The following CARD8 variants were observed in gnomAD, a reference collection of about 807,000 sequenced individuals.
CARD8 encodes the protein caspase recruitment domain-containing protein 8.
A neutral mutation model predicts 53.2 loss-of-function variants in CARD8; 38 were observed. That is an observed-to-expected ratio of 0.71 (90% CI 0.55 to 0.94). The LOEUF is 0.94. Among genes scored for constraint, CARD8 ranks in the 40% least tolerant of loss-of-function variants. CARD8 has a pLI of 0.00. For missense variants in CARD8, 561 were observed against 655.5 expected, an observed-to-expected ratio of 0.86 and a Z score of 1.57; for synonymous variants, 245 against 244.9, an observed-to-expected ratio of 1.00 and a Z score of 0.00.
chr19:48,239,472 CT>C (rs36029407), intron 4 of CARD8, among the ~76,000 whole-genome samples: 54,953 of 102,596 alleles, frequency 0.54, 11,844 homozygotes, highest in East Asian at 0.63. Context: ...TCATTTCAGA[CT>C]TTTTTTTTTT....
At chr19:48,253,596 A>G (rs1019927009) in intron 1 of CARD8, among the ~76,000 whole-genome samples, 1 of 152,216 alleles carries the variant, frequency 6.6e-6, no homozygotes, top group African/African-American at 2.4e-5. Context: ...TAAGATTCCA[A>G]TAAAAGAATG....
At chr19:48,221,592 T>C (rs1334451822) in intron 11 of CARD8, 138 bp downstream of exon 11, 2 of 526,048 alleles carry the variant, frequency 3.8e-6, no homozygotes, top group Non-Finnish European at 6.5e-6. Context: ...ATACTATTTT[T>C]CTATAATTTC....
chr19:48,238,154 G>T, intron 5 of CARD8: 1 of 622,682 alleles, frequency 1.6e-6, no homozygotes, highest in Non-Finnish European at 2.5e-6. Flanking sequence ...GCCTCCCAGT[G>T]TGCTGAGATT....
intron 1 of CARD8, among the ~76,000 whole-genome samples, chr19:48,254,768 G>A (rs1391940184): frequency 1.3e-5 from 2 of 152,116 alleles, no homozygotes; most frequent in Non-Finnish European, 2.9e-5. Context: ...GAGCCAGGAA[G>A]GCCATGAAGA....
At chr19:48,218,498 GCATGTA>G (rs2039824108) in intron 12 of CARD8, among the ~76,000 whole-genome samples, 1 of 151,872 alleles carries the variant, frequency 6.6e-6, no homozygotes, top group Non-Finnish European at 1.5e-5. Flanking sequence ...AGGACTACAG[GCATGTA>G]CCACCACACC....
At chr19:48,253,798 A>G (rs2047237206) in intron 1 of CARD8, among the ~76,000 whole-genome samples, 1 of 152,238 alleles carries the variant, frequency 6.6e-6, no homozygotes, top group Non-Finnish European at 1.5e-5. Flanking sequence ...GGGTAGAATG[A>G]TAAACAGATA....
chr19:48,251,354 T>C (rs1166262484), intron 1 of CARD8, among the ~76,000 whole-genome samples: 6 of 152,212 alleles, frequency 3.9e-5, no homozygotes, highest in African/African-American at 1.4e-4. Context: ...ACCAACTTTT[T>C]CTCCTGGTTT....
intron 3 of CARD8, among the ~76,000 whole-genome samples, chr19:48,247,495 T>C (rs1197637550): frequency 6.6e-6 from 1 of 152,106 alleles, no homozygotes. Context: ...AGATCTATTG[T>C]TAATGAAGAA....
At chr19:48,247,848 T>C (rs2046373367) in intron 3 of CARD8, among the ~76,000 whole-genome samples, 1 of 151,776 alleles carries the variant, frequency 6.6e-6, no homozygotes, top group African/African-American at 2.4e-5. Context: ...AAATTTTAAA[T>C]TTTAACATTA....
chr19:48,212,115 C>A, intron 13 of CARD8, 140 bp from the exon 14 acceptor site: 1 of 737,200 alleles, frequency 1.4e-6, no homozygotes. Flanking sequence ...TACAAAATCA[C>A]ACACATTCAC....
At chr19:48,227,076 A>G (rs188424080) in intron 10 of CARD8, among the ~76,000 whole-genome samples, 38 of 147,598 alleles carry the variant, frequency 2.6e-4, no homozygotes, top group African/African-American at 9.0e-4. Flanking sequence ...TGACACAGCA[A>G]GACTCCGTCT....
chr19:48,234,602 T>C (rs897203868), intron 5 of CARD8, 59 bp from the exon 6 acceptor site: 34 of 1,475,688 alleles, frequency 2.3e-5, no homozygotes, highest in South Asian at 3.6e-5. Flanking sequence ...GATGATAGCA[T>C]AGGCTGTGCA....
chr19:48,239,893 T>C (rs1031861101), intron 4 of CARD8, among the ~76,000 whole-genome samples: 2 of 152,118 alleles, frequency 1.3e-5, no homozygotes, highest in Admixed American at 1.3e-4. Flanking sequence ...CAGTGTCTGC[T>C]CCTGATTCAT....
intron 12 of CARD8, among the ~76,000 whole-genome samples, chr19:48,215,777 A>G (rs868554745): frequency 1.3e-5 from 2 of 152,196 alleles, no homozygotes; most frequent in African/African-American, 4.8e-5. Flanking sequence ...GATGGTGCAG[A>G]AATTTGGGTA....
At position 48,230,226 on chromosome 19, in the gene CARD8, T is replaced by C. The variant is rs75083323; in HGVS notation, c.1035+212A>G. Among the ~76,000 whole-genome samples, 963 of 152,332 alleles carry C rather than the reference T, an allele frequency of 6.3e-3. 13 individuals carry two copies. Among genetic ancestry groups the C allele is most frequent in the African/African-American group, 0.022 (922 of 41,584 alleles). ...AGAGCCAGAAAAGGGAATTTCCTTT[T>C]TCAGTAGCACTGAATCACTACTGAA... On this transcript the variant is annotated intron_variant, in intron 10 of 13. Coordinates refer to ENST00000651546, the MANE Select transcript of CARD8 (RefSeq NM_001184900.3).
intron 6 of CARD8, chr19:48,233,504 G>T: frequency 2.4e-6 from 1 of 418,228 alleles, no homozygotes; most frequent in Non-Finnish European, 4.8e-6. Context: ...GACATCCTAA[G>T]ACTGGTTGCT....
At position 48,230,506 on chromosome 19, in the gene CARD8, A is replaced by C. The variant is rs2042650942; in HGVS notation, c.967T>G (p.Tyr323Asp). The change falls in exon 10 of 14, where the codon TAT (tyrosine) becomes GAT (aspartate). Residue 323 changes from tyrosine (Y) to aspartate (D), a missense_variant. By Grantham distance (160) the Tyr-to-Asp change is radical (BLOSUM62 -3). Transcript: ENST00000651546. ...IPITSNTLIYYHPHPEDIKFH... is the reference protein window; with the variant it reads ...IPITSNTLIYDHPHPEDIKFH... The stretch of plus-strand genomic sequence containing the variant: ...TTAATATCTTCGGGGTGGGGGTGAT[A>C]ATAGATCAATGTGTTGGAAGTGATG... 6.2e-7 allele frequency: 1 copy of C among 1,613,970 alleles called. No homozygotes were observed. The highest frequency in any genetic ancestry group is 1.3e-5 in the African/African-American group (1 of 74,894).
At chr19:48,239,600 C>T (rs143313743) in intron 4 of CARD8, among the ~76,000 whole-genome samples, 2 of 151,892 alleles carry the variant, frequency 1.3e-5, no homozygotes, top group East Asian at 1.9e-4. Context: ...CTCAGCCTCC[C>T]GAGTAGCTGG....
chr19:48,241,064 C>A lies in CARD8; in HGVS notation c.-43-1G>T. The A allele has an allele frequency of 6.9e-7, 1 of 1,454,900 alleles. No individual in the cohort carries two copies. The highest frequency in any genetic ancestry group is 9.3e-7 in the Non-Finnish European group (1 of 1,074,964). 90.1% of individuals were successfully genotyped at this position (1,454,900 alleles called of 1,614,324 possible). Reference sequence around the variant, plus strand: ...ATGTCTTTACTGTATCTTTTTTACCCTGAAAAAATAAAAGGAGGTTGTATT... The same window carrying A: ...ATGTCTTTACTGTATCTTTTTTACCATGAAAAAATAAAAGGAGGTTGTATT... On this transcript the variant is annotated splice_acceptor_variant, in intron 3 of 13. Transcript: ENST00000651546. LOFTEE classifies it low-confidence loss of function (5UTR_SPLICE).
Sources: gnomAD v4.1 joint callset for allele counts (sites outside exome capture counted in the v4.1 genomes callset) on GRCh38, gnomAD v4.1.1 for gene constraint, MANE v1.5 for transcripts, NCBI Gene and HGNC (gene_info 2026-07-23, HGNC 2026-07-21) for gene names.